The following ADAMTS12 variants were observed in gnomAD, a reference collection of about 807,000 sequenced individuals.
ADAMTS12 encodes A disintegrin and metalloproteinase with thrombospondin motifs 12.
A neutral mutation model predicts 167.8 loss-of-function variants in ADAMTS12; 118 were observed. That is an observed-to-expected ratio of 0.70 (90% CI 0.61 to 0.82). The LOEUF (loss-of-function observed/expected upper bound fraction) is 0.82, where lower values mean the gene tolerates loss of function less well. Ranked by LOEUF, ADAMTS12 falls within the 40% of genes least tolerant of loss-of-function variation. ADAMTS12 has a pLI of 0.00. For synonymous variants in ADAMTS12, 704 were observed against 716.9 expected, an observed-to-expected ratio of 0.98 and a Z score of 0.29; for missense variants, 1,916 against 1,998.8, an observed-to-expected ratio of 0.96 and a Z score of 0.79.
intron 19 of ADAMTS12, among the ~76,000 whole-genome samples, chr5:33,573,220 G>T (rs1746483356): frequency 1.3e-5 from 2 of 151,554 alleles, no homozygotes; most frequent in African/African-American, 4.9e-5. Flanking sequence ...AGCTACCAAT[G>T]ACTTTCTTCA....
intron 22 of ADAMTS12, among the ~76,000 whole-genome samples, chr5:33,537,879 C>T (rs1359284084): frequency 2.0e-5 from 3 of 152,186 alleles, no homozygotes; most frequent in Admixed American, 1.3e-4. Context: ...ACTGCATTCC[C>T]GTGTGTGTTA....
At chr5:33,800,285 G>A (rs1746949255) in intron 2 of ADAMTS12, among the ~76,000 whole-genome samples, 2 of 152,162 alleles carry the variant, frequency 1.3e-5, no homozygotes. Flanking sequence ...TAGTAAGGGA[G>A]TATAACACAC....
chr5:33,649,026 TTC>T (rs1740782054), intron 8 of ADAMTS12, 60 bp from the exon 9 acceptor site: 1 of 1,583,742 alleles, frequency 6.3e-7, no homozygotes, highest in South Asian at 1.2e-5. Flanking sequence ...CCTTCAGCCT[TTC>T]ATTCAACAGA....
intron 1 of ADAMTS12, among the ~76,000 whole-genome samples, chr5:33,883,713 A>G (rs928787522): frequency 6.6e-6 from 1 of 152,208 alleles, no homozygotes; most frequent in East Asian, 1.9e-4. Context: ...ATGGGGAAGA[A>G]TTGGAGTAGG....
intron 17 of ADAMTS12, among the ~76,000 whole-genome samples, chr5:33,589,533 T>C (rs1747534465): frequency 6.6e-6 from 1 of 152,208 alleles, no homozygotes; most frequent in South Asian, 2.1e-4. Context: ...TAATCTAGGA[T>C]GTGGGCCCAC....
chr5:33,704,500 C>G (rs182233165), intron 3 of ADAMTS12, among the ~76,000 whole-genome samples: 2 of 152,220 alleles, frequency 1.3e-5, no homozygotes, highest in East Asian at 3.9e-4. Context: ...CACATCTTCA[C>G]TAGCATTCAT....
chr5:33,877,947 G>C (rs563425468), intron 2 of ADAMTS12, among the ~76,000 whole-genome samples: 2 of 152,134 alleles, frequency 1.3e-5, no homozygotes, highest in Non-Finnish European at 2.9e-5. Context: ...CAGACGTCCT[G>C]GTCCACATGA....
intron 2 of ADAMTS12, among the ~76,000 whole-genome samples, chr5:33,842,137 A>G (rs1362129423): frequency 6.6e-6 from 1 of 152,190 alleles, no homozygotes; most frequent in Non-Finnish European, 1.5e-5. Flanking sequence ...CAAAAGGATT[A>G]TGACTTTACT....
At chr5:33,861,973 A>T (rs1340595852) in intron 2 of ADAMTS12, among the ~76,000 whole-genome samples, 2 of 152,244 alleles carry the variant, frequency 1.3e-5, no homozygotes, top group African/African-American at 4.8e-5. Context: ...AACATCTTTG[A>T]AACCAATGAG....
rs952106436 is a variant in ADAMTS12, at chr5:33,856,915, T to G, written c.489+24204A>C. 3.3e-5 allele frequency among the ~76,000 whole-genome samples: 5 copies of G among 152,208 alleles called. 1 individual carries two copies. Among genetic ancestry groups the G allele is most frequent in the Admixed American group, 2.0e-4 (3 of 15,286 alleles). ...ACTTTTGGGTATATACCCAAAGGAA[T>G]TGAAATCACTGTCTTCAAGAGATAG... On this transcript the variant is annotated intron_variant, in intron 2 of 23. Coordinates refer to ENST00000504830, the MANE Select transcript of ADAMTS12 (RefSeq NM_030955.4).
intron 11 of ADAMTS12, among the ~76,000 whole-genome samples, chr5:33,639,986 T>C (rs2112169034): frequency 6.6e-6 from 1 of 152,362 alleles, no homozygotes; most frequent in East Asian, 1.9e-4. Context: ...GCTGGTTTTC[T>C]ATTTGTGCTG....
chr5:33,532,022 G>A (rs1379239665), intron 23 of ADAMTS12, among the ~76,000 whole-genome samples: 1 of 152,156 alleles, frequency 6.6e-6, no homozygotes, highest in African/African-American at 2.4e-5. Context: ...AAGGCTTGTT[G>A]TGTTCATTAG....
chr5:33,740,179 C>G (rs1415809601), intron 3 of ADAMTS12, among the ~76,000 whole-genome samples: 1 of 152,058 alleles, frequency 6.6e-6, no homozygotes, highest in South Asian at 2.1e-4. Context: ...TCAACTCTAA[C>G]GTGAAGAACA....
At chr5:33,682,981 G>A in intron 5 of ADAMTS12, 37 bp downstream of exon 5, 1 of 1,562,054 alleles carries the variant, frequency 6.4e-7, no homozygotes, top group Non-Finnish European at 8.8e-7. Context: ...GGAAGTGCGA[G>A]GACATATAGC....
chr5:33,886,162 C>G (rs984997940), intron 1 of ADAMTS12, among the ~76,000 whole-genome samples: 3 of 152,146 alleles, frequency 2.0e-5, no homozygotes, highest in African/African-American at 7.2e-5. Context: ...CTAAAGTTTG[C>G]CTATGCCCTA....
intron 2 of ADAMTS12, among the ~76,000 whole-genome samples, chr5:33,840,785 T>A (rs896237863): frequency 6.6e-6 from 1 of 152,204 alleles, no homozygotes; most frequent in Admixed American, 6.5e-5. Flanking sequence ...GGCCTGCAGG[T>A]GCAGCCCTTG....
rs1741128658 is a variant in ADAMTS12 at position 33,658,201 on chromosome 5, G to T, written c.1173C>A (p.Ala391=). The change falls in exon 7 of 24, where the codon GCC becomes GCA. Residue 391 remains alanine (A), a synonymous_variant. Coordinates refer to ENST00000504830, the MANE Select transcript of ADAMTS12 (RefSeq NM_030955.4). ...DSGLPLAFTI[A]HELGHSFGIQ... ...CCCTTTACCTGTGTCCTAGCTCATG[G>T]GCAATTGTGAAAGCCAGAGGGAGTC... The T allele has an allele frequency of 6.2e-7, 1 of 1,613,472 alleles. No individual in the cohort carries two copies. Among genetic ancestry groups the T allele is most frequent in the African/African-American group, 1.3e-5 (1 of 74,966 alleles).
At position 33,785,565 on chromosome 5, in the gene ADAMTS12, T is replaced by C. The variant is rs572702889; in HGVS notation, c.490-34017A>G. Among the ~76,000 whole-genome samples, 5 of 152,276 alleles carry C rather than the reference T, an allele frequency of 3.3e-5. 1 individual carries two copies. The South Asian group carries it at 8.3e-4, about 25-fold the overall frequency. ...CTTCAGCAAAGAAATATTGAAAAGA[T>C]ATGCAACATCATTAATTATCAGGGA... On this transcript the variant is annotated intron_variant, in intron 2 of 23. Transcript: ENST00000504830.
intron 14 of ADAMTS12, among the ~76,000 whole-genome samples, chr5:33,618,277 C>T (rs1000583498): frequency 2.0e-5 from 3 of 151,980 alleles, no homozygotes; most frequent in African/African-American, 7.3e-5. Context: ...AGGAGGAAAA[C>T]GAAGAGGAGG....
Sources: allele counts gnomAD v4.1 joint callset (sites outside exome capture counted in the v4.1 genomes callset), GRCh38; gene constraint gnomAD v4.1.1; transcripts MANE v1.5; gene names NCBI Gene and HGNC (gene_info 2026-07-23, HGNC 2026-07-21).